Variants in VPS45 observed in about 807,000 individuals in gnomAD.
The protein encoded by VPS45 is vacuolar protein sorting 45 homolog.
In VPS45, 35 loss-of-function variants were observed where a neutral mutation model predicts 75.9. The observed-to-expected ratio is 0.46, with a 90% CI of 0.35 to 0.61. The LOEUF is 0.61. Among genes scored for constraint, VPS45 ranks in the 20% least tolerant of loss-of-function variants. The pLI is 0.00. For missense variants in VPS45, 559 were observed against 685.9 expected, an observed-to-expected ratio of 0.81 and a Z score of 2.07; for synonymous variants, 220 against 238.2, an observed-to-expected ratio of 0.92 and a Z score of 0.70.
chr1:150,139,119 G>A (rs903432667), intron 14 of VPS45, among the ~76,000 whole-genome samples: 1 of 152,110 alleles, frequency 6.6e-6, no homozygotes, highest in African/African-American at 2.4e-5. Flanking sequence ...TAGTAGTAGG[G>A]TGATCTTGTG....
In VPS45 at chr1:150,077,654, C is replaced by G; in HGVS notation, c.577-15C>G. ...CTAGATGGTTGCACAAACCATCTTT[C>G]TCTCTCACCCACAGCAAGTGATAAC... On this transcript the variant is annotated splice_polypyrimidine_tract_variant and intron_variant, in intron 6 of 14. Coordinates refer to ENST00000644510, the MANE Select transcript of VPS45 (RefSeq NM_007259.5). 1 of 1,581,536 alleles carries G rather than the reference C, an allele frequency of 6.3e-7. No individual in the cohort carries two copies. Among genetic ancestry groups the G allele is most frequent in the East Asian group, 2.2e-5 (1 of 44,684 alleles).
At chr1:150,089,712 T>C (rs901855620) in intron 10 of VPS45, among the ~76,000 whole-genome samples, 1 of 152,076 alleles carries the variant, frequency 6.6e-6, no homozygotes, top group African/African-American at 2.4e-5. Flanking sequence ...TTGAGATACA[T>C]ACATAATTTG....
chr1:150,071,787 C>CA (rs58767428), intron 2 of VPS45, among the ~76,000 whole-genome samples: 3,667 of 134,508 alleles, frequency 0.027, 156 homozygotes, highest in African/African-American at 0.086. Context: ...GACTTAATCT[C>CA]AAAAAAAAAA....
intron 2 of VPS45, among the ~76,000 whole-genome samples, chr1:150,069,333 TG>T (rs1372738278): frequency 1.3e-5 from 2 of 152,130 alleles, no homozygotes; most frequent in Non-Finnish European, 2.9e-5. Context: ...TCCTGTTCCT[TG>T]TTTTTTTTTT....
intron 14 of VPS45, among the ~76,000 whole-genome samples, chr1:150,124,048 A>C (rs1484068885): frequency 1.3e-5 from 2 of 152,212 alleles, no homozygotes; most frequent in African/African-American, 4.8e-5. Flanking sequence ...AAACCTAAAG[A>C]ATAATTAATG....
At chr1:150,095,663 G>A (rs114708604) in intron 13 of VPS45, among the ~76,000 whole-genome samples, 1,984 of 150,646 alleles carry the variant, frequency 0.013, 39 homozygotes, top group African/African-American at 0.043. Flanking sequence ...AGCATCCAAA[G>A]CAGAGGGAAA....
At chr1:150,097,274 T>TG (rs1553803203) in intron 13 of VPS45, among the ~76,000 whole-genome samples, 1 of 150,928 alleles carries the variant, frequency 6.6e-6, no homozygotes, top group East Asian at 2.0e-4. Context: ...TTAGTAGAGA[T>TG]GGGGTCTCAC....
chr1:150,115,916 A>C (rs1657908397), intron 14 of VPS45, among the ~76,000 whole-genome samples: 1 of 152,156 alleles, frequency 6.6e-6, no homozygotes, highest in Non-Finnish European at 1.5e-5. Flanking sequence ...CACCTATTAG[A>C]TAGTTGTAGC....
intron 13 of VPS45, among the ~76,000 whole-genome samples, chr1:150,100,168 C>T (rs1434346431): frequency 6.6e-6 from 1 of 152,194 alleles, no homozygotes; most frequent in Admixed American, 6.5e-5. Context: ...ACAAAAATCA[C>T]TAGCATTCCT....
intron 7 of VPS45, among the ~76,000 whole-genome samples, chr1:150,080,148 C>CG (rs1655621066): frequency 9.7e-5 from 3 of 30,978 alleles, no homozygotes; most frequent in South Asian, 4.2e-3. Flanking sequence ...TTTTGTTGTA[C>CG]GTTTTTTTTT....
intron 13 of VPS45, among the ~76,000 whole-genome samples, chr1:150,107,607 A>G (rs1553806072): frequency 6.6e-6 from 1 of 152,134 alleles, no homozygotes; most frequent in African/African-American, 2.4e-5. Flanking sequence ...CCTTCAAAAA[A>G]GCAAATTTGG....
In VPS45 at chr1:150,077,204, A is replaced by C. The variant is rs1655441847; in HGVS notation, c.549A>C (p.Ala183=). 1 of 1,614,130 alleles carries C rather than the reference A, an allele frequency of 6.2e-7. No homozygotes were observed. Among genetic ancestry groups the C allele is most frequent in the Non-Finnish European group, 8.5e-7 (1 of 1,180,012 alleles). The change falls in exon 6 of 15, where the codon GCA becomes GCC. Residue 183 remains alanine (A), a synonymous_variant. Coordinates refer to ENST00000644510, the MANE Select transcript of VPS45 (RefSeq NM_007259.5). The part of the protein sequence containing the change: ...PMIRYQLSSE[A]AKRLAECVKQ... Reference sequence around the variant, plus strand: ...TTCGTTATCAGCTCTCATCAGAGGCAGCAAAGAGACTTGCAGAGTGCGTTA... The same window carrying C: ...TTCGTTATCAGCTCTCATCAGAGGCCGCAAAGAGACTTGCAGAGTGCGTTA...
chr1:150,144,610 C>G (rs1467345647), intron 14 of VPS45, 99 bp from the exon 15 acceptor site: 8 of 1,037,046 alleles, frequency 7.7e-6, no homozygotes, highest in Non-Finnish European at 1.1e-5. Context: ...GCCTACTATT[C>G]ATGATATATT....
chr1:150,068,460 A>AT, intron 1 of VPS45, 170 bp from the exon 2 acceptor site: 1 of 523,040 alleles, frequency 1.9e-6, no homozygotes, highest in East Asian at 3.4e-5. Flanking sequence ...GATAGAGCGT[A>AT]TTTTTCATTC....
chr1:150,101,510 C>T (rs1417642795), intron 13 of VPS45, among the ~76,000 whole-genome samples: 6 of 150,558 alleles, frequency 4.0e-5, no homozygotes, highest in Middle Eastern at 3.5e-3. Flanking sequence ...CCGAGGTGGG[C>T]GGATCACAAG....
At chr1:150,082,068 G>A in intron 9 of VPS45, 71 bp downstream of exon 9, 2 of 938,060 alleles carry the variant, frequency 2.1e-6, no homozygotes, top group Non-Finnish European at 3.3e-6. Context: ...AACACTTTTG[G>A]AATCTTCTGG....
chr1:150,090,817 T>C (rs1553801775), intron 10 of VPS45, among the ~76,000 whole-genome samples: 30 of 152,240 alleles, frequency 2.0e-4, no homozygotes, highest in Non-Finnish European at 1.5e-5. Context: ...TTTTGTTTTG[T>C]TTTGCTTTTT....
chr1:150,123,373 G>A (rs1436619960), intron 14 of VPS45, among the ~76,000 whole-genome samples: 1 of 152,150 alleles, frequency 6.6e-6, no homozygotes, highest in Non-Finnish European at 1.5e-5. Context: ...TTTAAGCAGA[G>A]CCATGACACC....
intron 14 of VPS45, among the ~76,000 whole-genome samples, chr1:150,121,732 G>T (rs140773068): frequency 2.0e-5 from 3 of 152,302 alleles, no homozygotes; most frequent in African/African-American, 7.2e-5. Flanking sequence ...TATTGAACAT[G>T]TGAGAACAAT....
Sources: gnomAD v4.1 joint callset for allele counts (sites outside exome capture counted in the v4.1 genomes callset) on GRCh38, gnomAD v4.1.1 for gene constraint, MANE v1.5 for transcripts, NCBI Gene and HGNC (gene_info 2026-07-23, HGNC 2026-07-21) for gene names.